CSMD1: variants seen among roughly 807,000 people sequenced by gnomAD.
CSMD1 encodes the protein CUB and sushi domain-containing protein 1.
CSMD1 carries 213 observed loss-of-function variants against 417.5 expected under a neutral mutation model. The observed-to-expected ratio is 0.51, with a 90% CI of 0.46 to 0.57. The LOEUF (loss-of-function observed/expected upper bound fraction) is 0.57, where lower values mean the gene tolerates loss of function less well. CSMD1 is among the 20% of genes least tolerant of loss of function. The pLI is 0.00. For synonymous variants in CSMD1, 2,862 were observed against 1,736.8 expected (o/e 1.65, Z -16.11); for missense variants, 6,923 against 4,529.7 (o/e 1.53, Z -15.17).
chr8:3,494,771 G>A (rs1205999267), intron 10 of CSMD1, among the ~76,000 whole-genome samples: 1 of 152,124 alleles, frequency 6.6e-6, no homozygotes, highest in Admixed American at 6.5e-5. Context: ...AGGGACAGGA[G>A]GAACAGAAAC....
At chr8:3,382,868 C>T (rs1037919403) in intron 18 of CSMD1, among the ~76,000 whole-genome samples, 3 of 151,968 alleles carry the variant, frequency 2.0e-5, no homozygotes, top group Admixed American at 1.3e-4. Context: ...TTTTCATTTA[C>T]TGTTTCTGGA....
chr8:3,247,382 C>T (rs1291185850), intron 26 of CSMD1, among the ~76,000 whole-genome samples: 2 of 152,108 alleles, frequency 1.3e-5, no homozygotes, highest in Non-Finnish European at 2.9e-5. Context: ...AGCAGTGAAC[C>T]CATGACATTG....
chr8:3,265,068 A>C (rs1585852575), intron 26 of CSMD1, among the ~76,000 whole-genome samples: 1 of 152,222 alleles, frequency 6.6e-6, no homozygotes, highest in Non-Finnish European at 1.5e-5. Context: ...AAGGCAATTC[A>C]ACACAAATCT....
intron 5 of CSMD1, among the ~76,000 whole-genome samples, chr8:3,987,463 A>C (rs1441158673): frequency 1.3e-5 from 2 of 152,146 alleles, no homozygotes; most frequent in African/African-American, 2.4e-5. Flanking sequence ...TTACTTTCAT[A>C]TTCACCCAGC....
chr8:4,204,072 G>A (rs1014194562), intron 3 of CSMD1, among the ~76,000 whole-genome samples: 1 of 152,156 alleles, frequency 6.6e-6, no homozygotes, highest in Non-Finnish European at 1.5e-5. Flanking sequence ...CTGTACTCCA[G>A]CCTGGGTGAC....
chr8:4,301,488 C>T (rs1797979072), intron 3 of CSMD1, among the ~76,000 whole-genome samples: 1 of 152,152 alleles, frequency 6.6e-6, no homozygotes. Context: ...ATGCCACTTG[C>T]ATAAGATCTC....
At chr8:3,526,126 T>A (rs894476893) in intron 10 of CSMD1, among the ~76,000 whole-genome samples, 14 of 152,182 alleles carry the variant, frequency 9.2e-5, no homozygotes, top group African/African-American at 3.1e-4. Context: ...ACATTCTGTT[T>A]AGAAATTGAA....
At chr8:4,879,749 T>C (rs1343733535) in intron 1 of CSMD1, among the ~76,000 whole-genome samples, 2 of 152,078 alleles carry the variant, frequency 1.3e-5, no homozygotes, top group African/African-American at 2.4e-5. Flanking sequence ...CATAATGTTA[T>C]AGAACCGGAA....
At chr8:3,435,873 C>T (rs566510116) in intron 12 of CSMD1, among the ~76,000 whole-genome samples, 1 of 152,338 alleles carries the variant, frequency 6.6e-6, no homozygotes, top group East Asian at 1.9e-4. Flanking sequence ...TTTGCTTCTG[C>T]CCCACTGGAA....
chr8:4,428,689 AG>A (rs1797700623), intron 2 of CSMD1, among the ~76,000 whole-genome samples: 2 of 152,156 alleles, frequency 1.3e-5, no homozygotes, highest in South Asian at 2.1e-4. Context: ...TTAATAATCC[AG>A]GGTTCATTTT....
At chr8:4,668,476 G>C (rs915929907) in intron 1 of CSMD1, among the ~76,000 whole-genome samples, 5 of 146,318 alleles carry the variant, frequency 3.4e-5, no homozygotes, top group African/African-American at 1.3e-4. Context: ...TTGAGATGGA[G>C]TCTCGCTCTG....
At chr8:3,936,297 G>A (rs1810487010) in intron 5 of CSMD1, among the ~76,000 whole-genome samples, 1 of 152,138 alleles carries the variant, frequency 6.6e-6, no homozygotes, top group Non-Finnish European at 1.5e-5. Flanking sequence ...AGTGACGAAG[G>A]TGGCTACACT....
intron 3 of CSMD1, among the ~76,000 whole-genome samples, chr8:4,161,365 G>T (rs932777515): frequency 6.6e-6 from 1 of 152,206 alleles, no homozygotes; most frequent in Non-Finnish European, 1.5e-5. Flanking sequence ...TAAAAATGCA[G>T]GCTTTCAGCC....
chr8:4,553,188 A>G (rs1165574466), intron 2 of CSMD1, among the ~76,000 whole-genome samples: 1 of 152,092 alleles, frequency 6.6e-6, no homozygotes, highest in Non-Finnish European at 1.5e-5. Context: ...TCCCTTTCCC[A>G]TGTTTCACAT....
chr8:4,457,190 C>G lies in CSMD1; in HGVS notation c.303-37125G>C, dbSNP rs542915910. Among the ~76,000 whole-genome samples, 11 of 152,132 alleles carry G rather than the reference C, an allele frequency of 7.2e-5. 2 individuals carry two copies. The South Asian group carries it at 1.2e-3, about 17-fold the overall frequency. Reference sequence around the variant, plus strand: ...TACGGACCTAGATGTGAAATGTGTCCTGTTAAACACATGTGGAGGGAAGGG... The same window carrying G: ...TACGGACCTAGATGTGAAATGTGTCGTGTTAAACACATGTGGAGGGAAGGG... On this transcript the variant is annotated intron_variant, in intron 2 of 69. Transcript: ENST00000635120.
chr8:3,644,322 G>A (rs1746478461), intron 7 of CSMD1, among the ~76,000 whole-genome samples: 1 of 152,202 alleles, frequency 6.6e-6, no homozygotes, highest in South Asian at 2.1e-4. Context: ...GAAAGCATAG[G>A]TCTTAGAGGC....
chr8:3,005,900 T>C (rs1227519471), intron 52 of CSMD1, among the ~76,000 whole-genome samples: 2 of 152,044 alleles, frequency 1.3e-5, no homozygotes, highest in South Asian at 2.1e-4. Flanking sequence ...CTATTCAACA[T>C]AGTGTCGGAA....
At chr8:3,882,464 A>C (rs370231628) in intron 5 of CSMD1, among the ~76,000 whole-genome samples, 14 of 152,314 alleles carry the variant, frequency 9.2e-5, no homozygotes, top group East Asian at 5.8e-4. Context: ...TGGTATTACA[A>C]ATCAGTAGAA....
At chr8:4,691,999 G>C (rs1445641114) in intron 1 of CSMD1, among the ~76,000 whole-genome samples, 2 of 152,160 alleles carry the variant, frequency 1.3e-5, no homozygotes, top group African/African-American at 2.4e-5. Context: ...TCCATCTTCA[G>C]TGCCCTCTTG....
Sources: allele counts gnomAD v4.1 joint callset (sites outside exome capture counted in the v4.1 genomes callset), GRCh38; gene constraint gnomAD v4.1.1; transcripts MANE v1.5; gene names NCBI Gene and HGNC (gene_info 2026-07-23, HGNC 2026-07-21).